Variants in SEZ6 observed in about 807,000 individuals in gnomAD.
SEZ6 encodes seizure protein 6 homolog.
Under a neutral mutation model 101.0 loss-of-function variants are expected in SEZ6, and 53 were observed. The observed-to-expected ratio is 0.52, with a 90% CI of 0.42 to 0.66. SEZ6 has a LOEUF of 0.66. Among genes scored for constraint, SEZ6 ranks in the 30% least tolerant of loss-of-function variants. SEZ6 has a pLI of 0.00. For synonymous variants in SEZ6, 488 were observed against 512.2 expected (o/e 0.95, Z 0.64); for missense variants, 1,102 against 1,289.4 (o/e 0.85, Z 2.23).
intron 2 of SEZ6, among the ~76,000 whole-genome samples, chr17:28,980,614 C>G (rs765050330): frequency 6.6e-6 from 1 of 152,080 alleles, no homozygotes; most frequent in Non-Finnish European, 1.5e-5. Context: ...TCGTTCCACA[C>G]GCCTCAGCCT....
chr17:28,963,383 AG>A (rs1377857955), intron 5 of SEZ6, among the ~76,000 whole-genome samples: 2 of 152,062 alleles, frequency 1.3e-5, no homozygotes, highest in African/African-American at 4.8e-5. Flanking sequence ...AGGAATTCTA[AG>A]GCCCTCCCTT....
chr17:28,998,598 A>C (rs1269457383), intron 1 of SEZ6, among the ~76,000 whole-genome samples: 1 of 152,082 alleles, frequency 6.6e-6, no homozygotes, highest in African/African-American at 2.4e-5. Flanking sequence ...ATCAAAGGAA[A>C]TCAGTGGGGT....
intron 3 of SEZ6, among the ~76,000 whole-genome samples, chr17:28,973,023 A>G (rs1310451519): frequency 6.6e-6 from 1 of 152,208 alleles, no homozygotes; most frequent in East Asian, 1.9e-4. Flanking sequence ...CTTGACCTCT[A>G]GCTTCTTTTT....
Position 28,956,175 on chromosome 17 carries a change from G to A in SEZ6, c.2936C>T (p.Pro979Leu), listed in dbSNP as rs770796248. 2.0e-6 allele frequency: 3 copies of A among 1,502,668 alleles called. No individual in the cohort carries two copies. The highest frequency in any genetic ancestry group is 2.2e-5 in the South Asian group (2 of 89,268). 93.1% of individuals were successfully genotyped at this position (1,502,668 alleles called of 1,614,324 possible). The change falls in exon 16 of 17, where the codon CCA (proline) becomes CTA (leucine). Residue 979 changes from proline (P) to leucine (L), a missense_variant. By Grantham distance (98) the Pro-to-Leu change is moderately conservative (BLOSUM62 -3). Coordinates refer to ENST00000317338, the MANE Select transcript of SEZ6 (RefSeq NM_178860.5). Reference protein sequence around the residue: ...RITIESAFDNPTYETGSLSFA... With the variant: ...RITIESAFDNLTYETGSLSFA... ...GTTACTTACTCCAGTCTCGTAAGTT[G>A]GATTGTCAAACGCTGACTCTATGGT... is the stretch of plus-strand genomic sequence containing the variant.
At chr17:28,995,530 G>A (rs1404409851) in intron 1 of SEZ6, among the ~76,000 whole-genome samples, 7 of 152,196 alleles carry the variant, frequency 4.6e-5, no homozygotes, top group Admixed American at 2.6e-4. Flanking sequence ...GAGAGCTGAC[G>A]TGACCTGTGG....
chr17:28,989,362 G>T (rs1469494324), intron 1 of SEZ6, among the ~76,000 whole-genome samples: 1 of 152,146 alleles, frequency 6.6e-6, no homozygotes, highest in Non-Finnish European at 1.5e-5. Flanking sequence ...TTTATGAGAT[G>T]GGAACTTTTA....
At chr17:28,960,774 G>T in intron 6 of SEZ6, 31 bp downstream of exon 6, 1 of 1,613,008 alleles carries the variant, frequency 6.2e-7, no homozygotes, top group Non-Finnish European at 8.5e-7. Context: ...ACCAGGCCAG[G>T]CACTCCCATT....
intron 4 of SEZ6, among the ~76,000 whole-genome samples, chr17:28,967,213 G>GTACT (rs1398568397): frequency 6.6e-6 from 1 of 152,180 alleles, no homozygotes; most frequent in Non-Finnish European, 1.5e-5. Context: ...ACATCTACAT[G>GTACT]TACTTTCCAG....
At chr17:28,964,437 T>TC (rs2041031452) in intron 4 of SEZ6, among the ~76,000 whole-genome samples, 1 of 152,198 alleles carries the variant, frequency 6.6e-6, no homozygotes, top group Non-Finnish European at 1.5e-5. Flanking sequence ...TGTGTGTGTT[T>TC]CCTCATTTGT....
Position 28,959,748 on chromosome 17 carries a change from C to G in SEZ6, c.1721G>C (p.Cys574Ser). ...TLEQGSIIIECVDPHDPQWNE... is the reference protein window; with the variant it reads ...TLEQGSIIIESVDPHDPQWNE... The stretch of plus-strand genomic sequence containing the variant: ...CCACTGGGGGTCGTGGGGGTCAACA[C>G]ACTCGATGATGATGGAGCCCTGCTC... The change falls in exon 8 of 17, where the codon TGT becomes TCT. Residue 574 changes from cysteine (C) to serine (S), a missense_variant. Physicochemically the swap from Cys to Ser is moderately radical, Grantham distance 112 (BLOSUM62 -1). Transcript: ENST00000317338. The surrounding 1 kb of genome is among the most constrained non-coding windows in gnomAD (Gnocchi z 4.4). 6.2e-7 allele frequency: 1 copy of G among 1,611,724 alleles called. No individual in the cohort carries two copies. The highest frequency in any genetic ancestry group is 8.5e-7 in the Non-Finnish European group (1 of 1,178,674).
intron 1 of SEZ6, among the ~76,000 whole-genome samples, chr17:28,993,776 G>A (rs1471399257): frequency 2.0e-5 from 3 of 152,186 alleles, no homozygotes; most frequent in African/African-American, 7.2e-5. Flanking sequence ...AGCATCTTTG[G>A]ACTACTGCCC....
intron 1 of SEZ6, among the ~76,000 whole-genome samples, chr17:28,998,999 G>C (rs1461767867): frequency 6.6e-6 from 1 of 152,144 alleles, no homozygotes; most frequent in Non-Finnish European, 1.5e-5. Context: ...TAAAAAGGCA[G>C]CTCTCCTCTA....
chr17:28,960,405 C>A, intron 7 of SEZ6, 100 bp downstream of exon 7: 2 of 1,461,438 alleles, frequency 1.4e-6, no homozygotes, highest in Non-Finnish European at 1.9e-6. Context: ...GAAGGAGTGA[C>A]AGCATGGAGG....
chr17:28,999,289 G>A (rs2041583454), intron 1 of SEZ6, among the ~76,000 whole-genome samples: 1 of 152,122 alleles, frequency 6.6e-6, no homozygotes, highest in Admixed American at 6.5e-5. Flanking sequence ...GTGACACAGG[G>A]CATGCTCAGG....
chr17:29,003,974 G>A (rs1378286781), intron 1 of SEZ6, among the ~76,000 whole-genome samples: 1 of 152,146 alleles, frequency 6.6e-6, no homozygotes, highest in Non-Finnish European at 1.5e-5. Context: ...ATCAGGGCTG[G>A]TGGGACTCCT....
At chr17:28,999,211 A>G in intron 1 of SEZ6, among the ~76,000 whole-genome samples, 1 of 152,168 alleles carries the variant, frequency 6.6e-6, no homozygotes, top group East Asian at 1.9e-4. Context: ...GAGAAATGAA[A>G]TAAGCAGAAG....
In SEZ6 at chr17:28,955,791, G is replaced by T. The variant is rs761593828; in HGVS notation, c.*171C>A. On this transcript the variant is annotated 3_prime_UTR_variant, in exon 17 of 17. Coordinates refer to ENST00000317338, the MANE Select transcript of SEZ6 (RefSeq NM_178860.5). ...AATGACACCAAGAAAATAGGCCATG[G>T]TGGGCATCGCAGGCGGGGAAGGGCA... The T allele has an allele frequency of 1.9e-5, 15 of 788,528 alleles. No homozygotes were observed. In the South Asian group the frequency reaches 2.2e-4, roughly 12 times the overall value. The allele number at this position is 788,528 out of a possible 1,614,324, so 48.8% of individuals were successfully genotyped here.
At chr17:28,995,413 G>C (rs756633058) in intron 1 of SEZ6, among the ~76,000 whole-genome samples, 2 of 152,036 alleles carry the variant, frequency 1.3e-5, no homozygotes, top group Non-Finnish European at 2.9e-5. Flanking sequence ...GGCCTGGAGA[G>C]AGCGCTAAGG....
intron 3 of SEZ6, among the ~76,000 whole-genome samples, chr17:28,972,955 G>C (rs1376725900): frequency 6.6e-6 from 1 of 152,210 alleles, no homozygotes; most frequent in Non-Finnish European, 1.5e-5. Context: ...AGCAAAGGCA[G>C]AGAAGTATTA....
Sources: gnomAD v4.1 joint callset for allele counts (sites outside exome capture counted in the v4.1 genomes callset) on GRCh38, gnomAD v4.1.1 for gene constraint, Gnocchi (gnomAD v3.1) non-coding constraint, MANE v1.5 for transcripts, NCBI Gene and HGNC (gene_info 2026-07-23, HGNC 2026-07-21) for gene names.